RAPGEF4: variants seen among roughly 807,000 people sequenced by gnomAD.
RAPGEF4 encodes RAP guanine-nucleotide-exchange factor (GEF) 4.
A neutral mutation model predicts 147.9 loss-of-function variants in RAPGEF4; 66 were observed. The ratio of observed to expected loss-of-function variants is 0.45; its 90% CI spans 0.37 to 0.55. RAPGEF4 has a LOEUF of 0.55. Ranked by LOEUF, RAPGEF4 falls within the 20% of genes least tolerant of loss-of-function variation. The pLI is 0.00. For missense variants in RAPGEF4, 1,071 were observed against 1,257.3 expected (o/e 0.85, Z 2.24); for synonymous variants, 419 against 442.7 (o/e 0.95, Z 0.67).
At chr2:172,821,972 A>G (rs1281149232) in intron 4 of RAPGEF4, 2 of 1,613,684 alleles carry the variant, frequency 1.2e-6, no homozygotes, top group Non-Finnish European at 1.7e-6. Context: ...CGTATGCTCT[A>G]CAAGGTCAGA....
At chr2:172,797,487 G>A in intron 2 of RAPGEF4, 38 bp from the exon 3 acceptor site, 1 of 1,538,230 alleles carries the variant, frequency 6.5e-7, no homozygotes, top group South Asian at 1.2e-5. Flanking sequence ...AAACCAAGTT[G>A]TATCTGTTAT....
At chr2:172,841,140 G>T (rs1192928551) in intron 4 of RAPGEF4, among the ~76,000 whole-genome samples, 1 of 152,198 alleles carries the variant, frequency 6.6e-6, no homozygotes, top group Non-Finnish European at 1.5e-5. Context: ...CTCACTGTTG[G>T]AGGTGGGGCC....
chr2:172,822,119 G>A (rs149541547), intron 4 of RAPGEF4: 3 of 1,023,962 alleles, frequency 2.9e-6, no homozygotes, highest in East Asian at 5.5e-5. Flanking sequence ...ATGTACCATG[G>A]CAGGGACATA....
chr2:172,796,269 A>G (rs1057473555), intron 2 of RAPGEF4, among the ~76,000 whole-genome samples: 5 of 152,108 alleles, frequency 3.3e-5, no homozygotes, highest in Non-Finnish European at 5.9e-5. Context: ...AACAAAATAA[A>G]AATCACCTAC....
chr2:172,905,512 T>C (rs543259964), intron 4 of RAPGEF4, among the ~76,000 whole-genome samples: 260 of 152,310 alleles, frequency 1.7e-3, no homozygotes, highest in Non-Finnish European at 2.8e-3. Flanking sequence ...TCCCTACATG[T>C]ATGGGTCAGA....
At chr2:172,884,839 G>C (rs1189640619) in intron 4 of RAPGEF4, among the ~76,000 whole-genome samples, 2 of 152,198 alleles carry the variant, frequency 1.3e-5, no homozygotes, top group Non-Finnish European at 2.9e-5. Context: ...TCATAAAAGG[G>C]AGAAATTTAG....
At chr2:172,878,618 G>A (rs1476876239) in intron 4 of RAPGEF4, among the ~76,000 whole-genome samples, 3 of 152,124 alleles carry the variant, frequency 2.0e-5, no homozygotes, top group South Asian at 2.1e-4. Context: ...ATGAAGGCAG[G>A]TAAAGTAGAC....
At chr2:172,855,978 G>A (rs1299408506) in intron 4 of RAPGEF4, among the ~76,000 whole-genome samples, 1 of 152,020 alleles carries the variant, frequency 6.6e-6, no homozygotes, top group African/African-American at 2.4e-5. Flanking sequence ...GGTTTTCTGA[G>A]AATCTTGAAT....
intron 4 of RAPGEF4, among the ~76,000 whole-genome samples, chr2:172,879,928 G>T (rs144887913): frequency 2.7e-4 from 41 of 152,304 alleles, no homozygotes; most frequent in African/African-American, 9.4e-4. Flanking sequence ...AAAGGTGGGT[G>T]GTACAACAAA....
intron 29 of RAPGEF4, among the ~76,000 whole-genome samples, chr2:173,044,163 A>C (rs945919663): frequency 2.0e-5 from 3 of 150,900 alleles, no homozygotes; most frequent in Non-Finnish European, 4.4e-5. Flanking sequence ...CTAACTAAGG[A>C]GCGGGTTTTT....
intron 4 of RAPGEF4, among the ~76,000 whole-genome samples, chr2:172,842,425 C>A (rs1009597339): frequency 3.9e-5 from 6 of 152,182 alleles, no homozygotes; most frequent in African/African-American, 1.4e-4. Context: ...TGCCTTGAAA[C>A]AACAACACCT....
intron 19 of RAPGEF4, 70 bp from the exon 20 acceptor site, chr2:173,017,104 G>GTT: frequency 7.1e-7 from 1 of 1,415,536 alleles, no homozygotes; most frequent in South Asian, 1.2e-5. Flanking sequence ...CATAAGATTA[G>GTT]TTATATACAA....
At chr2:172,840,227 T>C (rs1691430250) in intron 4 of RAPGEF4, among the ~76,000 whole-genome samples, 1 of 152,190 alleles carries the variant, frequency 6.6e-6, no homozygotes, top group Admixed American at 6.5e-5. Context: ...CTGTCAGAGC[T>C]GGTTTAGAGG....
At chr2:172,758,522 T>C (rs1695994088) in intron 1 of RAPGEF4, among the ~76,000 whole-genome samples, 1 of 152,162 alleles carries the variant, frequency 6.6e-6, no homozygotes, top group Non-Finnish European at 1.5e-5. Context: ...GCTATTTCAG[T>C]AATCTAGGTG....
At chr2:172,975,360 T>C (rs1485239183) in intron 10 of RAPGEF4, among the ~76,000 whole-genome samples, 1 of 152,104 alleles carries the variant, frequency 6.6e-6, no homozygotes, top group Non-Finnish European at 1.5e-5. Context: ...CTCACATCCG[T>C]CCCCTCTTTG....
intron 4 of RAPGEF4, among the ~76,000 whole-genome samples, chr2:172,883,988 A>G (rs1194364387): frequency 6.6e-6 from 1 of 152,178 alleles, no homozygotes; most frequent in African/African-American, 2.4e-5. Context: ...GGCCTCATGG[A>G]GTTGGGACAG....
chr2:172,743,131 C>G (rs1694449697), intron 1 of RAPGEF4, among the ~76,000 whole-genome samples: 1 of 152,164 alleles, frequency 6.6e-6, no homozygotes, highest in Non-Finnish European at 1.5e-5. Context: ...GTTTGTGCAT[C>G]CTCAACAGTG....
At chr2:172,830,606 G>T (rs1690189647) in intron 4 of RAPGEF4, among the ~76,000 whole-genome samples, 1 of 152,050 alleles carries the variant, frequency 6.6e-6, no homozygotes, top group African/African-American at 2.4e-5. Flanking sequence ...CTGTTTGTTT[G>T]TTTATTTATT....
chr2:172,956,145 T>C (rs897016243), intron 6 of RAPGEF4, among the ~76,000 whole-genome samples: 1 of 152,218 alleles, frequency 6.6e-6, no homozygotes, highest in Non-Finnish European at 1.5e-5. Flanking sequence ...TCTAGGGTTC[T>C]GGGACACCCT....
Sources: allele counts gnomAD v4.1 joint callset (sites outside exome capture counted in the v4.1 genomes callset), GRCh38; gene constraint gnomAD v4.1.1; transcripts MANE v1.5; gene names NCBI Gene and HGNC (gene_info 2026-07-23, HGNC 2026-07-21).